The following RPL3L variants were observed in gnomAD, a reference collection of about 807,000 sequenced individuals.
RPL3L encodes ribosomal protein uL3-like.
RPL3L carries 44 observed loss-of-function variants against 44.5 expected under a neutral mutation model. The ratio of observed to expected loss-of-function variants is 0.99; its 90% CI spans 0.78 to 1.27. The LOEUF (loss-of-function observed/expected upper bound fraction) is 1.27. RPL3L is among the 50% of genes most tolerant of loss of function. RPL3L has a pLI of 0.00. For missense variants in RPL3L, 631 were observed against 569.1 expected (o/e 1.11, Z -1.11); for synonymous variants, 292 against 230.7 (o/e 1.27, Z -2.41).
intron 3 of RPL3L, among the ~76,000 whole-genome samples, chr16:1,951,254 C>T (rs544082559): frequency 2.0e-5 from 3 of 152,204 alleles, no homozygotes; most frequent in African/African-American, 4.8e-5. Flanking sequence ...TCAGAGAAGG[C>T]GGCTGGCCAG....
At chr16:1,951,911 G>C (rs1044167883) in intron 3 of RPL3L, among the ~76,000 whole-genome samples, 1 of 151,792 alleles carries the variant, frequency 6.6e-6, no homozygotes, top group Non-Finnish European at 1.5e-5. Context: ...AGGAAACTCA[G>C]AGCCAATGCT....
chr16:1,949,186 CCA>C (rs2083148929), intron 4 of RPL3L, among the ~76,000 whole-genome samples: 1 of 150,512 alleles, frequency 6.6e-6, no homozygotes, highest in Non-Finnish European at 1.5e-5. Context: ...GCCCGGGCTG[CCA>C]CCTTGTCCTC....
chr16:1,946,077 G>A (rs1335463570), intron 7 of RPL3L, 147 bp from the exon 8 acceptor site: 12 of 628,594 alleles, frequency 1.9e-5, no homozygotes, highest in Middle Eastern at 5.2e-4. Context: ...CTATCACGCC[G>A]CCCCTACTGA....
chr16:1,947,958 T>C (rs1191888617), intron 4 of RPL3L, among the ~76,000 whole-genome samples: 2 of 140,046 alleles, frequency 1.4e-5, no homozygotes, highest in African/African-American at 5.9e-5. Flanking sequence ...TTTTTTTTTT[T>C]TTTGAGTCTC....
intron 2 of RPL3L, among the ~76,000 whole-genome samples, chr16:1,953,515 C>A (rs938553012): frequency 1.3e-5 from 2 of 152,184 alleles, no homozygotes; most frequent in African/African-American, 4.8e-5. Flanking sequence ...CCACCATGCC[C>A]GGCCTGCATT....
In RPL3L at chr16:1,947,235, A is replaced by C; in HGVS notation, c.647T>G (p.Val216Gly). Reference sequence around the variant, plus strand: ...CTTGGTGACAGCAATGACATCAATGACCTCACTCTGGCTGAACACGCTGTG... The same window carrying C: ...CTTGGTGACAGCAATGACATCAATGCCCTCACTCTGGCTGAACACGCTGTG... ...PVHSVFSQSE[V>G]IDVIAVTKGR... is the part of the protein sequence containing the mutation. Residue 216 changes from valine to glycine, a missense_variant, in exon 5 of 10, where the codon GTC becomes GGC. Coordinates refer to ENST00000268661, the MANE Select transcript of RPL3L (RefSeq NM_005061.3). 1 of 1,613,266 alleles carries C rather than the reference A, an allele frequency of 6.2e-7. No individual in the cohort carries two copies. The highest frequency in any genetic ancestry group is 8.5e-7 in the Non-Finnish European group (1 of 1,179,600).
chr16:1,954,532 G>T, intron 1 of RPL3L, 97 bp downstream of exon 1: 1 of 1,354,986 alleles, frequency 7.4e-7, no homozygotes, highest in Non-Finnish European at 1.0e-6. Flanking sequence ...CAGGCTGGGA[G>T]ACTGTCCCTC....
At position 1,946,626 on chromosome 16, in the gene RPL3L, A is replaced by G. The variant is rs1364971475; in HGVS notation, c.950T>C (p.Leu317Pro). 9 of 1,612,146 alleles carry G rather than the reference A, an allele frequency of 5.6e-6. 1 individual carries two copies. Among genetic ancestry groups the G allele is most frequent in the Non-Finnish European group, 6.8e-6 (8 of 1,179,448 alleles). The change falls in exon 7 of 10, where the codon CTG becomes CCG. Residue 317 changes from leucine to proline, a missense_variant and splice_region_variant. By Grantham distance (98) the Leu-to-Pro change is moderately conservative. Transcript: ENST00000268661. The part of the protein sequence containing the change: ...YDVTAKSITP[L>P]GGFPHYGEVN... ...GCAGTCGCCCCCTCCCAGCCTCACCAGCGGTGTGATGGACTTGGCAGTCAC... is the reference window on the plus strand; with the variant it reads ...GCAGTCGCCCCCTCCCAGCCTCACCGGCGGTGTGATGGACTTGGCAGTCAC...
chr16:1,949,250 T>TAG, intron 4 of RPL3L, among the ~76,000 whole-genome samples: 1 of 96,872 alleles, frequency 1.0e-5, no homozygotes, highest in African/African-American at 4.5e-5. Flanking sequence ...TTTTGTTTTT[T>TAG]TTTTTTTTCT....
Position 1,945,233 on chromosome 16 carries a change from T to C in RPL3L, c.1167+266A>G, listed in dbSNP as rs558346913. 6.6e-5 allele frequency among the ~76,000 whole-genome samples: 10 copies of C among 152,086 alleles called. No homozygotes were observed. The South Asian group carries it at 2.1e-3, about 32-fold the overall frequency. ...AGCCTGGCGTGGTGGCACGTGCCTGTAGTACCAACGACTGGGTAGGCTGAA... is the reference window on the plus strand; with the variant it reads ...AGCCTGGCGTGGTGGCACGTGCCTGCAGTACCAACGACTGGGTAGGCTGAA... On this transcript the variant is annotated intron_variant, in intron 9 of 9. Coordinates refer to ENST00000268661, the MANE Select transcript of RPL3L (RefSeq NM_005061.3).
In RPL3L at chr16:1,951,834, G is replaced by T. The variant is rs547846177; in HGVS notation, c.366-855C>A. 1.1e-4 allele frequency among the ~76,000 whole-genome samples: 17 copies of T among 150,780 alleles called. 1 individual carries two copies. Among genetic ancestry groups the T allele is most frequent in the African/African-American group, 4.1e-4 (17 of 41,240 alleles). ...GACTTACTGCCAGGGAAGATTTGAG[G>T]CCCGAGAATACCTTTCTATGTGTAA... On this transcript the variant is annotated intron_variant, in intron 3 of 9. Transcript: ENST00000268661.
intron 4 of RPL3L, 97 bp downstream of exon 4, chr16:1,950,747 G>T: frequency 6.3e-7 from 1 of 1,587,140 alleles, no homozygotes; most frequent in South Asian, 1.1e-5. Flanking sequence ...GCCGAGGCTC[G>T]GGTATTTTTA....
In RPL3L at chr16:1,945,485, G is replaced by A; in HGVS notation, c.1167+14C>T. ...AGCCCCAGAGAAGAACAAGGATGGG[G>A]GCGGTGAGCTCACCATGAAGGCCCT... On this transcript the variant is annotated intron_variant, in intron 9 of 9. Coordinates refer to ENST00000268661, the MANE Select transcript of RPL3L (RefSeq NM_005061.3). 1 of 1,603,366 alleles carries A rather than the reference G, an allele frequency of 6.2e-7. No individual in the cohort carries two copies. The highest frequency in any genetic ancestry group is 1.1e-5 in the South Asian group (1 of 89,550).
chr16:1,946,014 A>T, intron 7 of RPL3L, 84 bp from the exon 8 acceptor site: 1 of 1,211,638 alleles, frequency 8.3e-7, no homozygotes, highest in Non-Finnish European at 1.2e-6. Context: ...GAACCCCCAG[A>T]GGGGGCAGTG....
In RPL3L at chr16:1,944,563, A is replaced by AAACC; in HGVS notation, c.*273_*274insGGTT. 3.3e-6 allele frequency: 1 copy of AAACC among 305,098 alleles called. No homozygotes were observed. The highest frequency in any genetic ancestry group is 6.1e-6 in the Non-Finnish European group (1 of 163,130). The allele number at this position is 305,098 out of a possible 1,614,324, so 18.9% of individuals were successfully genotyped here. A position where few individuals can be genotyped will look rare whatever the true frequency, so the allele number is the denominator to read the frequency against. ...TCTCTCAAAAAAAAAAAAAAAAAAAACCTCTGCTCCGCAAATGCTCAAAGA... is the reference window on the plus strand; with the variant it reads ...TCTCTCAAAAAAAAAAAAAAAAAAAAAACCCCTCTGCTCCGCAAATGCTCAAAGA... On this transcript the variant is annotated 3_prime_UTR_variant, in exon 10 of 10. Coordinates refer to ENST00000268661, the MANE Select transcript of RPL3L (RefSeq NM_005061.3).
At position 1,944,616 on chromosome 16, in the gene RPL3L, A is replaced by C. The variant is rs2150859658; in HGVS notation, c.*221T>G. On this transcript the variant is annotated 3_prime_UTR_variant, in exon 10 of 10. Coordinates refer to ENST00000268661, the MANE Select transcript of RPL3L (RefSeq NM_005061.3). Reference sequence around the variant, plus strand: ...TCGATTTGAGTAATAATAAAACATAAAACTCCGGTCTCCCGCACAGCCAGC... The same window carrying C: ...TCGATTTGAGTAATAATAAAACATACAACTCCGGTCTCCCGCACAGCCAGC... 1.9e-6 allele frequency: 1 copy of C among 536,994 alleles called. No homozygotes were observed. Among genetic ancestry groups the C allele is most frequent in the African/African-American group, 1.9e-5 (1 of 53,236 alleles). The allele number at this position is 536,994 out of a possible 1,614,324, so 33.3% of individuals were successfully genotyped here. A position where few individuals can be genotyped will look rare whatever the true frequency, so the allele number is the denominator to read the frequency against.
chr16:1,952,924 G>A lies in RPL3L; in HGVS notation c.315C>T (p.Ile105=). The A allele has an allele frequency of 6.2e-7, 1 of 1,614,056 alleles. No homozygotes were observed. ...TPRGLRSFKT[I]FAEHLSDECR... ...ACTCATCACTGAGGTGTTCTGCAAA[G>A]ATGGTCTTGAAGCTCCGGAGACCTC... is the stretch of plus-strand genomic sequence containing the variant. Residue 105 remains isoleucine (I), a synonymous_variant, in exon 3 of 10, where the codon ATC becomes ATT. Coordinates refer to ENST00000268661, the MANE Select transcript of RPL3L (RefSeq NM_005061.3).
At chr16:1,947,938 A>AT (rs1158555053) in intron 4 of RPL3L, among the ~76,000 whole-genome samples, 1,440 of 109,948 alleles carry the variant, frequency 0.013, 18 homozygotes, top group East Asian at 0.028. Flanking sequence ...ATCTGATTGG[A>AT]TTTTTTTTTT....
In RPL3L at chr16:1,953,956, T is replaced by C. The variant is rs2083189115; in HGVS notation, c.196A>G (p.Lys66Glu). 6.6e-7 allele frequency: 1 copy of C among 1,518,808 alleles called. No individual in the cohort carries two copies. The allele number at this position is 1,518,808 out of a possible 1,614,324, so 94.1% of individuals were successfully genotyped here. Residue 66 changes from lysine (K) to glutamate (E), a missense_variant and splice_region_variant, in exon 2 of 10, where the codon AAA becomes GAA. Transcript: ENST00000268661. ...TLREVHRPGL[K>E]ISKREEVEAV... ...CCCAAGGGTCCCAACTGTGACTCAC[T>C]GAGCCCCGGCCGGTGCACCTCCCGC...
Sources: gnomAD v4.1 joint callset for allele counts (sites outside exome capture counted in the v4.1 genomes callset) on GRCh38, gnomAD v4.1.1 for gene constraint, MANE v1.5 for transcripts, NCBI Gene and HGNC (gene_info 2026-07-23, HGNC 2026-07-21) for gene names.